Variants in CFAP44 observed in about 807,000 individuals in gnomAD.
CFAP44 encodes the protein cilia- and flagella-associated protein 44.
A neutral mutation model predicts 216.2 loss-of-function variants in CFAP44; 134 were observed. The ratio of observed to expected loss-of-function variants is 0.62; its 90% confidence interval spans 0.54 to 0.72. The LOEUF (loss-of-function observed/expected upper bound fraction) is 0.72. CFAP44 is among the 30% of genes least tolerant of loss of function. The pLI, the probability that CFAP44 is intolerant of heterozygous loss-of-function variation, is 0.00. For synonymous variants in CFAP44, 700 were observed against 727.6 expected, an observed-to-expected ratio of 0.96 and a Z score of 0.61; for missense variants, 2,035 against 2,182.1, an observed-to-expected ratio of 0.93 and a Z score of 1.34.
chr3:113,297,133 A>C (rs189538150), intron 32 of CFAP44, among the ~76,000 whole-genome samples: 3 of 152,018 alleles, frequency 2.0e-5, no homozygotes, highest in Non-Finnish European at 2.9e-5. Context: ...TTATGGACTG[A>C]TCTGCCCCTC....
chr3:113,389,574 T>A (rs1933739211), intron 15 of CFAP44, among the ~76,000 whole-genome samples: 1 of 151,934 alleles, frequency 6.6e-6, no homozygotes, highest in Non-Finnish European at 1.5e-5. Context: ...AATTAAAAAG[T>A]TGTTTTTTTC....
chr3:113,302,084 T>A (rs1332476545), intron 32 of CFAP44, among the ~76,000 whole-genome samples: 1 of 152,220 alleles, frequency 6.6e-6, no homozygotes, highest in Non-Finnish European at 1.5e-5. Flanking sequence ...TTATCCATGT[T>A]GTTGCACATA....
At chr3:113,309,215 G>A (rs1329951232) in intron 28 of CFAP44, among the ~76,000 whole-genome samples, 2 of 152,170 alleles carry the variant, frequency 1.3e-5, no homozygotes, top group African/African-American at 4.8e-5. Context: ...TCCCAATGGA[G>A]AGAACTTGAT....
rs1405021743 is a variant in CFAP44 at position 113,381,111 on chromosome 3, ATAGTT to A, written c.1891-56_1891-52del. 3.0e-6 allele frequency: 4 copies of A among 1,352,236 alleles called. No individual in the cohort carries two copies. The African/African-American group carries it at 5.9e-5, about 20-fold the overall frequency. The allele number at this position is 1,352,236 out of a possible 1,614,324, so 83.8% of individuals were successfully genotyped here. ...TACATTTAGGCAAATTTTTAAAAGC[ATAGTT>A]TAAAGAGATTATAAATAAAAATATA... On this transcript the variant is annotated intron_variant, in intron 15 of 34. Transcript: ENST00000393845.
At chr3:113,422,884 G>T (rs779651702) in intron 4 of CFAP44, among the ~76,000 whole-genome samples, 2 of 152,010 alleles carry the variant, frequency 1.3e-5, no homozygotes, top group African/African-American at 4.8e-5. Flanking sequence ...TTTACATGCT[G>T]CTGCCCTGAT....
At chr3:113,301,953 G>A (rs75128925) in intron 32 of CFAP44, among the ~76,000 whole-genome samples, 2,771 of 152,060 alleles carry the variant, frequency 0.018, 129 homozygotes, top group East Asian at 0.096. Flanking sequence ...CACAGACCCT[G>A]GTAACCATCA....
chr3:113,396,680 A>G lies in CFAP44; in HGVS notation c.1617T>C (p.Val539=), dbSNP rs1933999879. 1.9e-6 allele frequency: 3 copies of G among 1,614,096 alleles called. No individual in the cohort carries two copies. The highest frequency in any genetic ancestry group is 2.5e-6 in the Non-Finnish European group (3 of 1,179,990). Residue 539 remains valine, a synonymous_variant, in exon 14 of 35, where the codon GTT becomes GTC. Transcript: ENST00000393845. Reference sequence around the variant, plus strand: ...GATCATAAAGTTCAAGAATTCGAACAACTCCATCTTCAAATCCTACAATAA... The same window carrying G: ...GATCATAAAGTTCAAGAATTCGAACGACTCCATCTTCAAATCCTACAATAA... ...AQIIVGFEDG[V]VRILELYDPK...
chr3:113,312,996 C>CTG (rs1950054418), intron 28 of CFAP44, among the ~76,000 whole-genome samples: 1 of 152,126 alleles, frequency 6.6e-6, no homozygotes, highest in African/African-American at 2.4e-5. Flanking sequence ...AGAGTCCCTA[C>CTG]TGGGGAACTG....
chr3:113,409,006 CAAAAAAAAA>C (rs56301009), intron 7 of CFAP44, 91 bp downstream of exon 7: 98 of 319,538 alleles, frequency 3.1e-4, no homozygotes, highest in African/African-American at 2.1e-3. Flanking sequence ...ACCAAAACAG[CAAAAAAAAA>C]AAAAAAAAAA....
rs547906407 is a variant in CFAP44, at chr3:113,420,319, T to A, written c.408-140A>T. 40 of 863,336 alleles carry A rather than the reference T, an allele frequency of 4.6e-5. No homozygotes were observed. The South Asian group carries it at 1.6e-3, about 34-fold the overall frequency. The allele number at this position is 863,336 out of a possible 1,614,324, so 53.5% of individuals were successfully genotyped here. On this transcript the variant is annotated intron_variant, in intron 4 of 34. Transcript: ENST00000393845. ...TAGTTGAATTTTACCCTGAAACTCA[T>A]GATTTTTCTACATATTACTAACAAT... is the stretch of plus-strand genomic sequence containing the variant.
intron 28 of CFAP44, among the ~76,000 whole-genome samples, chr3:113,318,957 C>CA (rs59028965): frequency 0.13 from 19,320 of 144,632 alleles, 1,572 homozygotes; most frequent in East Asian, 0.21. Context: ...AATAAAAAAA[C>CA]AAAAAAAAAC....
At chr3:113,441,307 A>G (rs1418571774) in intron 1 of CFAP44, 146 bp downstream of exon 1, 1 of 879,930 alleles carries the variant, frequency 1.1e-6, no homozygotes, top group Non-Finnish European at 1.4e-6. Flanking sequence ...TCGTGGCTTC[A>G]AAAGTTTGCT....
At position 113,291,632 on chromosome 3, in the gene CFAP44, C is replaced by T; in HGVS notation, c.5490G>A (p.Leu1830=). Residue 1830 remains leucine, a synonymous_variant, in exon 35 of 35, where the codon TTG becomes TTA. Transcript: ENST00000393845. ...ISALKEEIAL[L]RRKGSLILPP... ...GGAGGATAAGACTGCCTTTCCTACG[C>T]AAAAGAGCAATCTCCTCCTTTAAGG... 1 of 1,537,292 alleles carries T rather than the reference C, an allele frequency of 6.5e-7. No homozygotes were observed. The highest frequency in any genetic ancestry group is 8.7e-7 in the Non-Finnish European group (1 of 1,146,936).
intron 3 of CFAP44, 26 bp downstream of exon 3, chr3:113,427,161 A>G: frequency 6.2e-7 from 1 of 1,601,988 alleles, no homozygotes; most frequent in Non-Finnish European, 8.5e-7. Flanking sequence ...AGTGACAATT[A>G]CTGACAGAAA....
At chr3:113,327,866 T>C (rs763837756) in intron 26 of CFAP44, 47 bp from the exon 27 acceptor site, 1 of 1,502,528 alleles carries the variant, frequency 6.7e-7, no homozygotes, top group South Asian at 1.2e-5. Flanking sequence ...ACTAGATAAA[T>C]GCATTTTTAA....
At chr3:113,340,535 G>C (rs1453055530) in intron 24 of CFAP44, among the ~76,000 whole-genome samples, 1 of 152,206 alleles carries the variant, frequency 6.6e-6, no homozygotes, top group Non-Finnish European at 1.5e-5. Flanking sequence ...AAATGGGAAA[G>C]GTTCCCTTGT....
At chr3:113,404,597 G>A (rs1481744584) in intron 8 of CFAP44, among the ~76,000 whole-genome samples, 1 of 152,060 alleles carries the variant, frequency 6.6e-6, no homozygotes, top group Non-Finnish European at 1.5e-5. Flanking sequence ...ACCAAGCACT[G>A]GTTCAGTACT....
At chr3:113,394,690 T>C (rs950744656) in intron 15 of CFAP44, among the ~76,000 whole-genome samples, 1 of 151,864 alleles carries the variant, frequency 6.6e-6, no homozygotes, top group East Asian at 1.9e-4. Context: ...GGCCCACACA[T>C]AAAATACACT....
chr3:113,396,493 A>G, intron 14 of CFAP44, 25 bp downstream of exon 14: 3 of 1,598,790 alleles, frequency 1.9e-6, no homozygotes, highest in Non-Finnish European at 2.6e-6. Flanking sequence ...TTTCAACAAG[A>G]AAAGAAAGGA....
Sources: gnomAD v4.1 joint callset for allele counts (sites outside exome capture counted in the v4.1 genomes callset) on GRCh38, gnomAD v4.1.1 for gene constraint, MANE v1.5 for transcripts, NCBI Gene and HGNC (gene_info 2026-07-23, HGNC 2026-07-21) for gene names.